Variants in KLHL2 observed in about 807,000 individuals in gnomAD.
The protein encoded by KLHL2 is kelch-like protein 2.
A neutral mutation model predicts 75.8 loss-of-function variants in KLHL2; 15 were observed. The ratio of observed to expected loss-of-function variants is 0.20; its 90% CI spans 0.13 to 0.30. The LOEUF (loss-of-function observed/expected upper bound fraction) is 0.30, where lower values mean the gene tolerates loss of function less well. Ranked by LOEUF, KLHL2 falls within the 10% of genes least tolerant of loss-of-function variation. KLHL2 has a pLI of 1.00. For missense variants in KLHL2, 381 were observed against 741.0 expected (o/e 0.51, Z 5.64); for synonymous variants, 214 against 251.9 (o/e 0.85, Z 1.42).
chr4:165,232,331 G>A (rs1255278720), intron 3 of KLHL2, among the ~76,000 whole-genome samples: 1 of 151,786 alleles, frequency 6.6e-6, no homozygotes, highest in Non-Finnish European at 1.5e-5. Flanking sequence ...GGAGGCTGAG[G>A]CAGGAGAATG....
intron 2 of KLHL2, among the ~76,000 whole-genome samples, chr4:165,220,848 G>A (rs2110989348): frequency 6.6e-6 from 1 of 152,232 alleles, no homozygotes; most frequent in East Asian, 1.9e-4. Flanking sequence ...CTTTTAAGTA[G>A]TATTAAAAGT....
chr4:165,300,762 A>G (rs963862465), intron 8 of KLHL2, among the ~76,000 whole-genome samples: 7 of 152,164 alleles, frequency 4.6e-5, no homozygotes, highest in African/African-American at 1.4e-4. Flanking sequence ...TAACTCTTGT[A>G]TATGTTTCGG....
intron 2 of KLHL2, among the ~76,000 whole-genome samples, chr4:165,225,675 G>A (rs1337612676): frequency 6.6e-6 from 1 of 152,148 alleles, no homozygotes; most frequent in African/African-American, 2.4e-5. Flanking sequence ...TTGGAAAGAG[G>A]TAAGGGCCAG....
chr4:165,210,881 C>T (rs1427102800), intron 1 of KLHL2, among the ~76,000 whole-genome samples: 3 of 152,144 alleles, frequency 2.0e-5, no homozygotes, highest in Non-Finnish European at 4.4e-5. Context: ...ACTGATCAGT[C>T]TTCTTGGCAC....
chr4:165,285,788 T>TA (rs57813481), intron 5 of KLHL2, among the ~76,000 whole-genome samples: 1 of 150,568 alleles, frequency 6.6e-6, no homozygotes, highest in African/African-American at 2.5e-5. Flanking sequence ...AATCACATAA[T>TA]AGAGGGAGGG....
chr4:165,279,538 A>C, intron 5 of KLHL2: 1 of 1,554,662 alleles, frequency 6.4e-7, no homozygotes, highest in South Asian at 1.1e-5. Context: ...GATGATGACT[A>C]AGTAGTTCAG....
chr4:165,292,677 G>A (rs1247024233), intron 5 of KLHL2, among the ~76,000 whole-genome samples: 1 of 152,134 alleles, frequency 6.6e-6, no homozygotes, highest in Non-Finnish European at 1.5e-5. Flanking sequence ...TTATGAAAAT[G>A]CAGGTTTTAT....
intron 6 of KLHL2, among the ~76,000 whole-genome samples, 190 bp from the exon 7 acceptor site, chr4:165,297,417 AAG>A (rs1744998359): frequency 6.6e-6 from 1 of 152,118 alleles, no homozygotes; most frequent in Non-Finnish European, 1.5e-5. Context: ...TAAAAAAAAA[AAG>A]AACAGAAAAG....
intron 4 of KLHL2, among the ~76,000 whole-genome samples, chr4:165,258,873 C>G (rs1436325701): frequency 6.6e-6 from 1 of 152,134 alleles, no homozygotes; most frequent in Non-Finnish European, 1.5e-5. Context: ...ATCTGATCTC[C>G]TAAATCAGGG....
intron 1 of KLHL2, among the ~76,000 whole-genome samples, chr4:165,209,214 T>C (rs998341246): frequency 7.2e-5 from 11 of 152,210 alleles, no homozygotes; most frequent in African/African-American, 2.7e-4. Flanking sequence ...GGAAGGCACC[T>C]GAACCCCTAG....
At chr4:165,245,428 G>A (rs983389049) in intron 4 of KLHL2, among the ~76,000 whole-genome samples, 6 of 152,058 alleles carry the variant, frequency 3.9e-5, no homozygotes, top group Non-Finnish European at 7.4e-5. Flanking sequence ...TAGCTCTTAT[G>A]TTTCTGGCTA....
At chr4:165,258,077 G>A (rs539933230) in intron 4 of KLHL2, among the ~76,000 whole-genome samples, 12 of 152,288 alleles carry the variant, frequency 7.9e-5, no homozygotes, top group African/African-American at 1.2e-4. Flanking sequence ...AAGGAGGGGC[G>A]AGGGCCTCTT....
chr4:165,258,227 A>C (rs886795642), intron 4 of KLHL2, among the ~76,000 whole-genome samples: 7 of 152,190 alleles, frequency 4.6e-5, no homozygotes, highest in African/African-American at 1.7e-4. Context: ...AAATATTTTT[A>C]ACATTCAAAA....
At chr4:165,230,747 A>G (rs181604185) in intron 3 of KLHL2, among the ~76,000 whole-genome samples, 4 of 152,280 alleles carry the variant, frequency 2.6e-5, no homozygotes, top group African/African-American at 9.6e-5. Flanking sequence ...TGGAGATAGG[A>G]GAGCTTATTA....
intron 9 of KLHL2, among the ~76,000 whole-genome samples, chr4:165,309,259 C>T (rs1745966761): frequency 6.6e-6 from 1 of 152,158 alleles, no homozygotes; most frequent in Admixed American, 6.5e-5. Flanking sequence ...GGGAGCTGGA[C>T]ATAATCCCTT....
chr4:165,314,229 A>G (rs1746439896), intron 13 of KLHL2, 63 bp downstream of exon 13: 5 of 1,397,464 alleles, frequency 3.6e-6, no homozygotes, highest in Non-Finnish European at 5.0e-6. Context: ...CACTGGTATC[A>G]CTCTATCAAT....
chr4:165,237,598 C>T (rs1739460011), intron 3 of KLHL2, among the ~76,000 whole-genome samples: 1 of 152,064 alleles, frequency 6.6e-6, no homozygotes, highest in Non-Finnish European at 1.5e-5. Flanking sequence ...ATTATGATTT[C>T]CCATAGACTT....
chr4:165,249,186 C>T (rs1254865675), intron 4 of KLHL2, among the ~76,000 whole-genome samples: 1 of 152,178 alleles, frequency 6.6e-6, no homozygotes, highest in Non-Finnish European at 1.5e-5. Context: ...GGTTAGACAT[C>T]GCTTGCCCAA....
chr4:165,249,083 A>G (rs1218244499), intron 4 of KLHL2, among the ~76,000 whole-genome samples: 1 of 152,236 alleles, frequency 6.6e-6, no homozygotes, highest in South Asian at 2.1e-4. Flanking sequence ...TTTGTTTTCT[A>G]TGCTGGCTCA....
Sources: gnomAD v4.1 joint callset for allele counts (sites outside exome capture counted in the v4.1 genomes callset) on GRCh38, gnomAD v4.1.1 for gene constraint, MANE v1.5 for transcripts, NCBI Gene and HGNC (gene_info 2026-07-23, HGNC 2026-07-21) for gene names.